Variants in LRRK2 observed in about 807,000 individuals in gnomAD.
LRRK2 encodes leucine-rich repeat serine/threonine-protein kinase 2.
LRRK2 carries 203 observed loss-of-function variants against 302.6 expected under a neutral mutation model. That is an observed-to-expected ratio of 0.67 (90% CI 0.60 to 0.75). The LOEUF is 0.75. Ranked by LOEUF, LRRK2 falls within the 30% of genes least tolerant of loss-of-function variation. The pLI is 0.00. For missense variants in LRRK2, 2,830 were observed against 2,951.0 expected, an observed-to-expected ratio of 0.96 and a Z score of 0.95; for synonymous variants, 1,066 against 1,031.9, an observed-to-expected ratio of 1.03 and a Z score of -0.63.
chr12:40,297,537 G>A (rs1378021849), intron 23 of LRRK2, among the ~76,000 whole-genome samples: 1 of 152,064 alleles, frequency 6.6e-6, no homozygotes, highest in Admixed American at 6.5e-5. Context: ...GGCTAAGAGT[G>A]GTTAATAAGC....
intron 18 of LRRK2, among the ~76,000 whole-genome samples, chr12:40,283,632 T>C (rs903350497): frequency 6.6e-6 from 1 of 152,222 alleles, no homozygotes; most frequent in African/African-American, 2.4e-5. Context: ...TGTCTCCATA[T>C]AATGTTGTCT....
At chr12:40,319,213 T>A (rs1281148550) in intron 33 of LRRK2, among the ~76,000 whole-genome samples, 4 of 152,122 alleles carry the variant, frequency 2.6e-5, no homozygotes, top group Admixed American at 2.6e-4. Flanking sequence ...ACTTTACATG[T>A]GTTATTTCAT....
chr12:40,364,790 A>G, intron 48 of LRRK2, 52 bp from the exon 49 acceptor site: 4 of 1,311,196 alleles, frequency 3.1e-6, no homozygotes, highest in Non-Finnish European at 4.4e-6. Context: ...TGTAAATAGC[A>G]TTTATCTCTT....
chr12:40,350,536 C>T (rs2136989544), intron 43 of LRRK2, among the ~76,000 whole-genome samples: 1 of 152,314 alleles, frequency 6.6e-6, no homozygotes, highest in East Asian at 1.9e-4. Context: ...TCATGTTTTA[C>T]ACTGATACAC....
In LRRK2 at chr12:40,293,019, T is replaced by TC. The variant is rs1944220076; in HGVS notation, c.2690-526_2690-525insC. ...AAATAATTTGTGTGATTACAACATT[T>TC]AAAGCAAGATTTGAAAAATTTATAA... On this transcript the variant is annotated intron_variant, in intron 20 of 50. Transcript: ENST00000298910. Among the ~76,000 whole-genome samples the TC allele has an allele frequency of 3.9e-5, 6 of 152,168 alleles. No homozygotes were observed. In the South Asian group the frequency reaches 1.0e-3, roughly 26 times the overall value.
Position 40,283,918 on chromosome 12 carries a change from T to C in LRRK2, c.2285T>C (p.Leu762Pro), listed in dbSNP as rs1251123239. 8 of 1,613,598 alleles carry C rather than the reference T, an allele frequency of 5.0e-6. No individual in the cohort carries two copies. Among genetic ancestry groups the C allele is most frequent in the Non-Finnish European group, 6.8e-6 (8 of 1,179,650 alleles). Reference protein sequence around the residue: ...ESSPKLVELLLNSGSREQDVR... With the variant: ...ESSPKLVELLPNSGSREQDVR... ...AGTCCCAAATTGGTGGAACTCTTACTGAATAGTGGATCTCGTGAACAAGAT... is the reference window on the plus strand; with the variant it reads ...AGTCCCAAATTGGTGGAACTCTTACCGAATAGTGGATCTCGTGAACAAGAT... Residue 762 changes from leucine (L) to proline (P), a missense_variant, in exon 19 of 51, where the codon CTG becomes CCG. Transcript: ENST00000298910.
intron 24 of LRRK2, 106 bp from the exon 25 acceptor site, chr12:40,299,003 G>T: frequency 9.7e-7 from 1 of 1,033,680 alleles, no homozygotes; most frequent in Non-Finnish European, 1.4e-6. Context: ...TTAAATTAAT[G>T]AGTCCTCTTT....
intron 14 of LRRK2, among the ~76,000 whole-genome samples, chr12:40,272,373 C>T (rs1943267178): frequency 6.6e-6 from 1 of 152,158 alleles, no homozygotes; most frequent in Admixed American, 6.5e-5. Flanking sequence ...AAGATTTAAA[C>T]TTGTGCTTTG....
At chr12:40,281,198 T>G (rs1943682382) in intron 18 of LRRK2, among the ~76,000 whole-genome samples, 1 of 152,202 alleles carries the variant, frequency 6.6e-6, no homozygotes, top group African/African-American at 2.4e-5. Flanking sequence ...TTACACAATT[T>G]AATCCTTACG....
At chr12:40,317,619 C>T (rs1256832184) in intron 33 of LRRK2, among the ~76,000 whole-genome samples, 1 of 151,992 alleles carries the variant, frequency 6.6e-6, no homozygotes, top group Non-Finnish European at 1.5e-5. Flanking sequence ...GAGACCTATT[C>T]AATTAATCAG....
rs200326242 is a variant in LRRK2, at chr12:40,323,164, T to C, written c.5514T>C (p.Asp1838=). The C allele has an allele frequency of 6.2e-7, 1 of 1,612,822 alleles. No homozygotes were observed. Among genetic ancestry groups the C allele is most frequent in the Non-Finnish European group, 8.5e-7 (1 of 1,179,048 alleles). ...AAATGTTTTATTACTTCTCAGGAGA[T>C]CTCTTAGTAAATCCAGATCAACCAA... ...DDLMKKAEEG[D]LLVNPDQPRL... is the part of the protein sequence containing the mutation. Residue 1838 remains aspartate (D), a synonymous_variant, in exon 38 of 51, where the codon GAT becomes GAC. Coordinates refer to ENST00000298910, the MANE Select transcript of LRRK2 (RefSeq NM_198578.4).
chr12:40,336,276 A>G (rs1203753245), intron 40 of LRRK2, among the ~76,000 whole-genome samples: 1 of 152,198 alleles, frequency 6.6e-6, no homozygotes, highest in South Asian at 2.1e-4. Context: ...GATTATCTGA[A>G]TCTTTCTGAA....
At chr12:40,288,382 A>G (rs1430540621) in intron 20 of LRRK2, among the ~76,000 whole-genome samples, 1 of 151,846 alleles carries the variant, frequency 6.6e-6, no homozygotes, top group East Asian at 1.9e-4. Context: ...TATCCAAAAA[A>G]GTTTCTTCAT....
intron 26 of LRRK2, among the ~76,000 whole-genome samples, chr12:40,303,369 T>G (rs902592682): frequency 1.3e-5 from 2 of 152,116 alleles, no homozygotes; most frequent in Non-Finnish European, 1.5e-5. Flanking sequence ...AATTGGATCT[T>G]GAGTGTGTTG....
chr12:40,292,035 C>T (rs1253570879), intron 20 of LRRK2, among the ~76,000 whole-genome samples: 1 of 152,080 alleles, frequency 6.6e-6, no homozygotes, highest in South Asian at 2.1e-4. Context: ...CGCAGATCTT[C>T]CAGAAACCCA....
chr12:40,297,050 C>T (rs1209166314), intron 23 of LRRK2, among the ~76,000 whole-genome samples: 2 of 150,648 alleles, frequency 1.3e-5, no homozygotes, highest in Non-Finnish European at 2.9e-5. Context: ...ACCTTTGCCC[C>T]CACTAGACTG....
Position 40,251,558 on chromosome 12 carries a change from A to G in LRRK2, c.1181+14A>G, listed in dbSNP as rs1267698332. ...TGAAGATGGCCAGTTAGTAGTTTTG[A>G]TTTTATATGATAGAAAATTTCAGTT... On this transcript the variant is annotated intron_variant, in intron 10 of 50. Coordinates refer to ENST00000298910, the MANE Select transcript of LRRK2 (RefSeq NM_198578.4). The G allele has an allele frequency of 1.9e-6, 3 of 1,590,706 alleles. No individual in the cohort carries two copies. In the Admixed American group the frequency reaches 5.1e-5, roughly 27 times the overall value.
Position 40,367,030 on chromosome 12 carries a change from T to A in LRRK2, c.7415T>A (p.Val2472Glu). ...GGAAGCCTTAAAAATGTCATGCTGGTATTGGGCTACAACCGGAAAAATACT... is the reference window on the plus strand; with the variant it reads ...GGAAGCCTTAAAAATGTCATGCTGGAATTGGGCTACAACCGGAAAAATACT... ...QLGSLKNVML[V>E]LGYNRKNTEG... Residue 2472 changes from valine (V) to glutamate (E), a missense_variant, in exon 50 of 51, where the codon GTA (valine) becomes GAA (glutamate). Physicochemically the swap from Val to Glu is moderately radical, Grantham distance 121. Transcript: ENST00000298910. 2 of 1,609,632 alleles carry A rather than the reference T, an allele frequency of 1.2e-6. No individual in the cohort carries two copies. Among genetic ancestry groups the A allele is most frequent in the South Asian group, 2.2e-5 (2 of 90,984 alleles).
intron 46 of LRRK2, 132 bp from the exon 47 acceptor site, chr12:40,359,128 T>C (rs1356013906): frequency 1.3e-6 from 1 of 771,590 alleles, no homozygotes; most frequent in Non-Finnish European, 2.1e-6. Flanking sequence ...AATCTTTAGG[T>C]TTTTGAGTTT....
Sources: allele counts gnomAD v4.1 joint callset (sites outside exome capture counted in the v4.1 genomes callset), GRCh38; gene constraint gnomAD v4.1.1; transcripts MANE v1.5; gene names NCBI Gene and HGNC (gene_info 2026-07-23, HGNC 2026-07-21).